PIP5K1A: variants seen among roughly 807,000 people sequenced by gnomAD.
PIP5K1A encodes phosphatidylinositol-4-phosphate 5-kinase type 1 alpha, also known as phosphatidylinositol 4-phosphate 5-kinase type-1 alpha.
A neutral mutation model predicts 72.9 loss-of-function variants in PIP5K1A; 46 were observed. That is an observed-to-expected ratio of 0.63 (90% CI 0.50 to 0.81). The LOEUF (loss-of-function observed/expected upper bound fraction) is 0.81. Ranked by LOEUF, PIP5K1A falls within the 30% of genes least tolerant of loss-of-function variation. The pLI is 0.00. For synonymous variants in PIP5K1A, 228 were observed against 255.1 expected (o/e 0.89, Z 1.01); for missense variants, 458 against 706.1 (o/e 0.65, Z 3.98).
intron 1 of PIP5K1A, among the ~76,000 whole-genome samples, chr1:151,200,919 T>A (rs1014201552): frequency 1.3e-4 from 20 of 152,116 alleles, no homozygotes; most frequent in African/African-American, 4.3e-4. Context: ...AAGCTCTGCC[T>A]CCCGGGTTCA....
rs183971709 is a variant in PIP5K1A, at chr1:151,219,851, C to T, written c.86-4394C>T. On this transcript the variant is annotated intron_variant, in intron 1 of 15. Coordinates refer to ENST00000368888, the MANE Select transcript of PIP5K1A (RefSeq NM_001135638.2). ...AAACCCTGTCCTTACATATTCTTTC[C>T]TTTTTTTTTTTTTTTTTTTTGCCGA... Among the ~76,000 whole-genome samples, 486 of 98,674 alleles carry T rather than the reference C, an allele frequency of 4.9e-3. 4 individuals carry two copies. The highest frequency in any genetic ancestry group is 0.018 in the African/African-American group (447 of 24,580). 64.7% of individuals were successfully genotyped at this position (98,674 alleles called of 152,430 possible). A position where few individuals can be genotyped will look rare whatever the true frequency, so the allele number is the denominator to read the frequency against.
At chr1:151,229,734 TAAAAA>T (rs111793845) in intron 4 of PIP5K1A, among the ~76,000 whole-genome samples, 80 of 146,042 alleles carry the variant, frequency 5.5e-4, no homozygotes, top group African/African-American at 1.8e-3. Context: ...GGCAGGTACT[TAAAAA>T]AAAAAAGAAA....
intron 3 of PIP5K1A, 118 bp downstream of exon 3, chr1:151,224,524 A>T: frequency 1.3e-6 from 1 of 766,534 alleles, no homozygotes; most frequent in Non-Finnish European, 2.2e-6. Flanking sequence ...AAAAGTAAAT[A>T]CTGTACCTAA....
chr1:151,206,516 T>C (rs1685949473), intron 1 of PIP5K1A, among the ~76,000 whole-genome samples: 1 of 152,098 alleles, frequency 6.6e-6, no homozygotes, highest in Non-Finnish European at 1.5e-5. Context: ...TGTTCTTGTT[T>C]GTTTGTTTTT....
intron 15 of PIP5K1A, 78 bp from the exon 16 acceptor site, chr1:151,247,785 G>C: frequency 8.0e-7 from 1 of 1,252,438 alleles, no homozygotes; most frequent in Non-Finnish European, 1.1e-6. Context: ...GGCTGAAATA[G>C]AAATTTCTTA....
In PIP5K1A at chr1:151,242,166, C is replaced by G; in HGVS notation, c.1407C>G (p.Phe469Leu). The stretch of plus-strand genomic sequence containing the variant: ...AAAAGTTTCGGTCTGGCTCATCTTT[C>G]TCTCGGCGAGCAGGCTCCAGTGGCA... ...PSKKFRSGSS[F>L]SRRAGSSGNS... Residue 469 changes from phenylalanine to leucine, a missense_variant, in exon 13 of 16, where the codon TTC becomes TTG. Coordinates refer to ENST00000368888, the MANE Select transcript of PIP5K1A (RefSeq NM_001135638.2). 1.2e-6 allele frequency: 2 copies of G among 1,614,160 alleles called. No individual in the cohort carries two copies. Among genetic ancestry groups the G allele is most frequent in the Non-Finnish European group, 1.7e-6 (2 of 1,180,020 alleles).
intron 1 of PIP5K1A, chr1:151,213,424 T>C (rs587773257): frequency 1.3e-5 from 2 of 152,322 alleles, no homozygotes; most frequent in Non-Finnish European, 1.5e-5. Context: ...TCTTTAATAT[T>C]TTTGAAGTCT....
At chr1:151,208,718 G>A (rs1389845946) in intron 1 of PIP5K1A, among the ~76,000 whole-genome samples, 1 of 90,268 alleles carries the variant, frequency 1.1e-5, no homozygotes, top group African/African-American at 4.1e-5. Flanking sequence ...GTAATGGTAC[G>A]CTTTTTTTTT....
intron 6 of PIP5K1A, 70 bp from the exon 7 acceptor site, chr1:151,232,481 G>A: frequency 1.3e-6 from 2 of 1,526,038 alleles, no homozygotes; most frequent in Non-Finnish European, 1.8e-6. Context: ...AATTGCATCT[G>A]TAGTTGATTT....
chr1:151,212,585 T>TC (rs1405618379), intron 1 of PIP5K1A, among the ~76,000 whole-genome samples: 5 of 152,056 alleles, frequency 3.3e-5, no homozygotes, highest in African/African-American at 1.2e-4. Context: ...ACTTTGCCTT[T>TC]TTTTTTTTGA....
chr1:151,231,540 T>C (rs1265592263), intron 4 of PIP5K1A, 131 bp from the exon 5 acceptor site: 1 of 753,900 alleles, frequency 1.3e-6, no homozygotes, highest in East Asian at 2.7e-5. Context: ...TGTCCCAGTT[T>C]TATCTGAACT....
Position 151,234,512 on chromosome 1 carries a change from A to G in PIP5K1A, c.939+16A>G. The G allele has an allele frequency of 1.2e-6, 2 of 1,607,926 alleles. No homozygotes were observed. Among genetic ancestry groups the G allele is most frequent in the South Asian group, 1.1e-5 (1 of 90,906 alleles). ...TGACTGTTTGGTGAGTTTGTTACTT[A>G]GACATCAAAAATCTCAGTTACTAAA... is the stretch of plus-strand genomic sequence containing the variant. On this transcript the variant is annotated intron_variant, in intron 8 of 15. Transcript: ENST00000368888.
chr1:151,235,264 G>C (rs1459533634), intron 8 of PIP5K1A, among the ~76,000 whole-genome samples: 6 of 151,264 alleles, frequency 4.0e-5, no homozygotes, highest in Admixed American at 2.0e-4. Flanking sequence ...TGTATTTTTA[G>C]TAGTGACAGG....
In PIP5K1A at chr1:151,249,226, C is replaced by T. The variant is rs959234900; in HGVS notation, c.*1361C>T. The T allele has an allele frequency of 7.2e-5, 11 of 152,128 alleles. No individual in the cohort carries two copies. The highest frequency in any genetic ancestry group is 2.2e-4 in the African/African-American group (9 of 41,404). The allele number at this position is 152,128 out of a possible 1,614,324, so 9.4% of individuals were successfully genotyped here. Reference sequence around the variant, plus strand: ...CCCAAATAACTGTCTATATTAGACACCCCCAGCCAGTTTCTGGCTGCCTGT... The same window carrying T: ...CCCAAATAACTGTCTATATTAGACATCCCCAGCCAGTTTCTGGCTGCCTGT... On this transcript the variant is annotated 3_prime_UTR_variant, in exon 16 of 16. Transcript: ENST00000368888.
chr1:151,232,722 C>G lies in PIP5K1A; in HGVS notation c.639+19C>G. ...CTACATGGTAAGGGAGAGAGAAGCA[C>G]TGTCCACCTGTGCTGCTCACTTCTG... On this transcript the variant is annotated intron_variant, in intron 7 of 15. Coordinates refer to ENST00000368888, the MANE Select transcript of PIP5K1A (RefSeq NM_001135638.2). 3 of 1,609,048 alleles carry G rather than the reference C, an allele frequency of 1.9e-6. No homozygotes were observed. Among genetic ancestry groups the G allele is most frequent in the Non-Finnish European group, 2.5e-6 (3 of 1,176,940 alleles).
intron 1 of PIP5K1A, among the ~76,000 whole-genome samples, chr1:151,200,920 C>T (rs1023800096): frequency 2.0e-5 from 3 of 152,082 alleles, no homozygotes; most frequent in Non-Finnish European, 4.4e-5. Context: ...AGCTCTGCCT[C>T]CCGGGTTCAC....
chr1:151,221,300 C>T (rs1688364324), intron 1 of PIP5K1A, among the ~76,000 whole-genome samples: 1 of 152,026 alleles, frequency 6.6e-6, no homozygotes, highest in Non-Finnish European at 1.5e-5. Flanking sequence ...GTAGAGATGC[C>T]TGAGTGATGG....
At chr1:151,238,455 C>T (rs1199240761) in intron 10 of PIP5K1A, 190 bp downstream of exon 10, 1 of 559,502 alleles carries the variant, frequency 1.8e-6, no homozygotes, top group African/African-American at 1.9e-5. Context: ...CCTTTATAAC[C>T]CTTCCTCCCC....
At chr1:151,210,073 G>T (rs374300455) in intron 1 of PIP5K1A, among the ~76,000 whole-genome samples, 9 of 151,736 alleles carry the variant, frequency 5.9e-5, no homozygotes, top group African/African-American at 2.2e-4. Context: ...CAGTAGAGAC[G>T]GGGTTTTGCC....
Sources: allele counts gnomAD v4.1 joint callset (sites outside exome capture counted in the v4.1 genomes callset), GRCh38; gene constraint gnomAD v4.1.1; transcripts MANE v1.5; gene names NCBI Gene and HGNC (gene_info 2026-07-23, HGNC 2026-07-21).